ANTXR1: variants seen among roughly 807,000 people sequenced by gnomAD.
The protein encoded by ANTXR1 is anthrax toxin receptor 1.
ANTXR1 carries 19 observed loss-of-function variants against 78.1 expected under a neutral mutation model. The observed-to-expected ratio is 0.24, with a 90% CI of 0.17 to 0.36. The LOEUF (loss-of-function observed/expected upper bound fraction) is 0.36. Among genes scored for constraint, ANTXR1 ranks in the 10% least tolerant of loss-of-function variants. ANTXR1 has a pLI of 1.00. For synonymous variants in ANTXR1, 273 were observed against 260.5 expected, an observed-to-expected ratio of 1.05 and a Z score of -0.46; for missense variants, 518 against 718.6, an observed-to-expected ratio of 0.72 and a Z score of 3.19.
chr2:69,193,419 G>T lies in ANTXR1; in HGVS notation c.1434+4G>T. 6.2e-7 allele frequency: 1 copy of T among 1,604,812 alleles called. No individual in the cohort carries two copies. On this transcript the variant is annotated splice_donor_region_variant and intron_variant, in intron 17 of 17. Transcript: ENST00000303714. ...GCGTCCACAGCCAGGAGACACGGTAGGACTCGTTAATTCATTAATGGTGTC... is the reference window on the plus strand; with the variant it reads ...GCGTCCACAGCCAGGAGACACGGTATGACTCGTTAATTCATTAATGGTGTC...
chr2:69,070,876 A>G lies in ANTXR1; in HGVS notation c.378+148A>G, dbSNP rs548109626. ...ACATTTTCTTCCCATAAGCTTGTAC[A>G]CTGACCACTCTAGCCAAAAGAACTA... On this transcript the variant is annotated intron_variant, in intron 4 of 17. Coordinates refer to ENST00000303714, the MANE Select transcript of ANTXR1 (RefSeq NM_032208.3). 58 of 732,342 alleles carry G rather than the reference A, an allele frequency of 7.9e-5. No individual in the cohort carries two copies. The African/African-American group carries it at 8.1e-4, about 10-fold the overall frequency. 45.4% of individuals were successfully genotyped at this position (732,342 alleles called of 1,614,324 possible).
chr2:69,014,335 C>T (rs148232371), intron 1 of ANTXR1, among the ~76,000 whole-genome samples: 157 of 152,246 alleles, frequency 1.0e-3, no homozygotes, highest in Non-Finnish European at 1.6e-3. Flanking sequence ...CCCACTCCTT[C>T]CTTATTAGTG....
Position 69,137,578 on chromosome 2 carries a change from G to T in ANTXR1, c.951+12935G>T, listed in dbSNP as rs1165705927. On this transcript the variant is annotated intron_variant, in intron 12 of 17. Transcript: ENST00000303714. Reference sequence around the variant, plus strand: ...ATCTGAAAAGTCATTGGGAGCCTGGGCAACAGGCTCTACAACAGGGTCTTT... The same window carrying T: ...ATCTGAAAAGTCATTGGGAGCCTGGTCAACAGGCTCTACAACAGGGTCTTT... Among the ~76,000 whole-genome samples, 5 of 152,098 alleles carry T rather than the reference G, an allele frequency of 3.3e-5. No individual in the cohort carries two copies. The Middle Eastern group carries it at 0.014, about 414-fold the overall frequency.
At chr2:69,214,913 C>G (rs1017810101) in intron 17 of ANTXR1, among the ~76,000 whole-genome samples, 4 of 152,324 alleles carry the variant, frequency 2.6e-5, no homozygotes, top group African/African-American at 9.6e-5. Context: ...TTCATAGCCT[C>G]TGGGTCTAGC....
chr2:69,117,663 AT>A (rs1334429732), intron 10 of ANTXR1, among the ~76,000 whole-genome samples: 3 of 152,192 alleles, frequency 2.0e-5, no homozygotes, highest in Non-Finnish European at 2.9e-5. Flanking sequence ...CATGTAGTCT[AT>A]TTTAAAGGTG....
chr2:69,153,596 T>C (rs920783240), intron 13 of ANTXR1, among the ~76,000 whole-genome samples: 6 of 152,172 alleles, frequency 3.9e-5, no homozygotes, highest in Non-Finnish European at 8.8e-5. Context: ...GTTTTAAACA[T>C]TTAAGGCTGC....
intron 1 of ANTXR1, among the ~76,000 whole-genome samples, chr2:69,020,662 G>C (rs1334392214): frequency 2.0e-5 from 3 of 152,198 alleles, no homozygotes; most frequent in Non-Finnish European, 4.4e-5. Context: ...TAGAATGTGT[G>C]TCTATGTTTG....
chr2:69,104,787 T>C (rs1217978937), intron 10 of ANTXR1, among the ~76,000 whole-genome samples: 1 of 152,088 alleles, frequency 6.6e-6, no homozygotes. Flanking sequence ...CAAGATGCTG[T>C]ATTAAATAAG....
intron 17 of ANTXR1, among the ~76,000 whole-genome samples, chr2:69,233,113 T>C (rs1204271830): frequency 6.6e-6 from 1 of 152,154 alleles, no homozygotes; most frequent in Non-Finnish European, 1.5e-5. Flanking sequence ...CAAAAATTTT[T>C]AAAGGCATCA....
At chr2:69,178,416 G>C (rs1674188581) in intron 14 of ANTXR1, among the ~76,000 whole-genome samples, 1 of 152,198 alleles carries the variant, frequency 6.6e-6, no homozygotes, top group Non-Finnish European at 1.5e-5. Flanking sequence ...TGGCGCGGCA[G>C]CGTGTGGAGA....
intron 17 of ANTXR1, among the ~76,000 whole-genome samples, chr2:69,203,330 C>T (rs769442703): frequency 6.6e-6 from 1 of 152,198 alleles, no homozygotes; most frequent in Non-Finnish European, 1.5e-5. Flanking sequence ...AGTATTCATT[C>T]AGTTCTCACC....
At position 69,152,204 on chromosome 2, in the gene ANTXR1, C is replaced by G. The variant is rs749173652; in HGVS notation, c.987C>G (p.Ile329Met). ...CCATCCTGGCCATCGCCCTGCTGAT[C>G]CTGTTCCTGCTCCTAGCCCTGGCTC... ...DGSILAIALL[I>M]LFLLLALALL... Residue 329 changes from isoleucine to methionine, a missense_variant, in exon 13 of 18, where the codon ATC (isoleucine) becomes ATG (methionine). Coordinates refer to ENST00000303714, the MANE Select transcript of ANTXR1 (RefSeq NM_032208.3). 1.2e-6 allele frequency: 2 copies of G among 1,614,054 alleles called. No homozygotes were observed. The highest frequency in any genetic ancestry group is 1.7e-5 in the Admixed American group (1 of 59,996).
At chr2:69,190,636 TGAA>T (rs1183890123) in intron 16 of ANTXR1, among the ~76,000 whole-genome samples, 10 of 152,186 alleles carry the variant, frequency 6.6e-5, no homozygotes, top group Admixed American at 3.9e-4. Context: ...CTTAGGGAGA[TGAA>T]ACTACTCATC....
chr2:69,047,490 TCA>T (rs774273476), intron 3 of ANTXR1, among the ~76,000 whole-genome samples: 1 of 152,320 alleles, frequency 6.6e-6, no homozygotes, highest in Admixed American at 6.5e-5. Flanking sequence ...TTCTCTGTTT[TCA>T]CAGTTTCTTC....
chr2:69,077,354 C>T (rs1260878789), intron 7 of ANTXR1, 54 bp from the exon 8 acceptor site: 2 of 1,605,898 alleles, frequency 1.2e-6, no homozygotes, highest in African/African-American at 1.3e-5. Context: ...CTAAATTTTC[C>T]ACATCCAAGC....
intron 12 of ANTXR1, among the ~76,000 whole-genome samples, chr2:69,138,032 C>G (rs1672963643): frequency 7.1e-6 from 1 of 140,160 alleles, no homozygotes; most frequent in Non-Finnish European, 1.5e-5. Context: ...TGCAATGAGC[C>G]AAGATTGCAC....
At chr2:69,177,194 T>C (rs1674145663) in intron 14 of ANTXR1, among the ~76,000 whole-genome samples, 1 of 152,122 alleles carries the variant, frequency 6.6e-6, no homozygotes, top group African/African-American at 2.4e-5. Context: ...ACCCGGGAGT[T>C]CTTGGCAGAA....
chr2:69,027,640 ATGTGTGTG>A (rs1553430956), intron 1 of ANTXR1, among the ~76,000 whole-genome samples: 1 of 100,184 alleles, frequency 1.0e-5, no homozygotes, highest in Admixed American at 1.1e-4. Flanking sequence ...GTGTGTGTGT[ATGTGTGTG>A]TGTGTGTGTG....
chr2:69,231,797 A>T (rs1675604569), intron 17 of ANTXR1, among the ~76,000 whole-genome samples: 1 of 152,142 alleles, frequency 6.6e-6, no homozygotes, highest in South Asian at 2.1e-4. Flanking sequence ...GGCTCAGGGC[A>T]CCAAAAACAG....
Sources: allele counts gnomAD v4.1 joint callset (sites outside exome capture counted in the v4.1 genomes callset), GRCh38; gene constraint gnomAD v4.1.1; transcripts MANE v1.5; gene names NCBI Gene and HGNC (gene_info 2026-07-23, HGNC 2026-07-21).